Variants in EYS observed in about 807,000 individuals in gnomAD.
EYS encodes EGF-like photoreceptor maintenance factor.
In EYS, 250 loss-of-function variants were observed where a neutral mutation model predicts 282.1. That is an observed-to-expected ratio of 0.89 (90% CI 0.80 to 0.98). EYS has a LOEUF of 0.98. Among genes scored for constraint, EYS ranks in the 50% least tolerant of loss-of-function variants. EYS has a pLI of 0.00. For missense variants in EYS, 4,016 were observed against 3,709.0 expected (o/e 1.08, Z -2.15); for synonymous variants, 1,355 against 1,282.9 (o/e 1.06, Z -1.20).
intron 30 of EYS, among the ~76,000 whole-genome samples, chr6:64,303,870 G>GGGGGA (rs1769332630): frequency 1.4e-5 from 2 of 144,750 alleles, no homozygotes; most frequent in African/African-American, 5.2e-5. Flanking sequence ...AAGCCTCAGG[G>GGGGGA]TAGGGTTACG....
chr6:65,530,227 G>C (rs1192393902), intron 2 of EYS, among the ~76,000 whole-genome samples: 1 of 152,054 alleles, frequency 6.6e-6, no homozygotes, highest in Admixed American at 6.6e-5. Context: ...TATTTTGCTT[G>C]GTAGCCTACT....
At position 63,726,624 on chromosome 6, in the gene EYS, C is replaced by T. The variant is rs750011709; in HGVS notation, c.8128G>A (p.Ala2710Thr). ...GTCTTTTTTCGAACATGAAAGGAAG[C>T]AAAAGACATCCAGGATAACTCATTG... Reference protein sequence around the residue: ...RSNELSWMSFASFHVRKKTHI... With the variant: ...RSNELSWMSFTSFHVRKKTHI... Residue 2710 changes from alanine to threonine, a missense_variant, in exon 42 of 43, where the codon GCT (alanine) becomes ACT (threonine). Coordinates refer to ENST00000503581, the MANE Select transcript of EYS (RefSeq NM_001142800.2). 3 of 1,551,078 alleles carry T rather than the reference C, an allele frequency of 1.9e-6. No homozygotes were observed. In the South Asian group the frequency reaches 3.6e-5, roughly 18 times the overall value.
chr6:65,147,844 G>A (rs962303983), intron 12 of EYS, among the ~76,000 whole-genome samples: 4 of 152,034 alleles, frequency 2.6e-5, no homozygotes, highest in African/African-American at 9.7e-5. Flanking sequence ...CATGGTGGAA[G>A]GGGAAACAAA....
chr6:64,251,355 T>C (rs1767210232), intron 30 of EYS, among the ~76,000 whole-genome samples: 1 of 152,144 alleles, frequency 6.6e-6, no homozygotes, highest in Non-Finnish European at 1.5e-5. Flanking sequence ...TGAGAATATG[T>C]GGACCTCAGA....
intron 6 of EYS, among the ~76,000 whole-genome samples, chr6:65,404,660 T>C (rs1457826083): frequency 6.6e-6 from 1 of 151,920 alleles, no homozygotes; most frequent in East Asian, 1.9e-4. Flanking sequence ...CTAATTCTTC[T>C]CAGCAAAAGT....
chr6:65,030,780 A>G (rs1264054547), intron 13 of EYS, among the ~76,000 whole-genome samples: 1 of 152,180 alleles, frequency 6.6e-6, no homozygotes, highest in Non-Finnish European at 1.5e-5. Context: ...CAACAAAATG[A>G]CAGGATCAAA....
At chr6:65,107,626 C>T (rs1775080943) in intron 12 of EYS, among the ~76,000 whole-genome samples, 1 of 151,446 alleles carries the variant, frequency 6.6e-6, no homozygotes, top group African/African-American at 2.4e-5. Context: ...TACAGAACAA[C>T]TACAAAACTA....
intron 3 of EYS, 99 bp from the exon 4 acceptor site, chr6:65,495,706 C>A (rs1339731929): frequency 6.9e-6 from 3 of 432,788 alleles, no homozygotes; most frequent in Non-Finnish European, 1.2e-5. Context: ...AGAGCCTACA[C>A]TGCAAAGATA....
chr6:64,515,461 A>C (rs1161841138), intron 26 of EYS, among the ~76,000 whole-genome samples: 1 of 151,112 alleles, frequency 6.6e-6, no homozygotes, highest in Non-Finnish European at 1.5e-5. Flanking sequence ...CCTGTCATTA[A>C]ATGTTAGTAC....
intron 31 of EYS, among the ~76,000 whole-genome samples, chr6:64,133,970 A>C (rs534056387): frequency 6.6e-6 from 1 of 152,218 alleles, no homozygotes; most frequent in South Asian, 2.1e-4. Flanking sequence ...CTTTGAGCTA[A>C]AGCTTGAGCC....
chr6:64,129,384 A>G (rs184614542), intron 31 of EYS, among the ~76,000 whole-genome samples: 41 of 152,220 alleles, frequency 2.7e-4, no homozygotes, highest in Admixed American at 9.8e-4. Flanking sequence ...GTGATGATGA[A>G]CATTTTTTCA....
intron 12 of EYS, among the ~76,000 whole-genome samples, chr6:65,202,773 C>G (rs1360440549): frequency 5.3e-5 from 8 of 152,076 alleles, no homozygotes; most frequent in Non-Finnish European, 1.5e-5. Flanking sequence ...TTGGGTCAGA[C>G]TAACTTGTAG....
intron 13 of EYS, among the ~76,000 whole-genome samples, chr6:65,012,129 T>C (rs1292313536): frequency 6.6e-6 from 1 of 152,184 alleles, no homozygotes; most frequent in Non-Finnish European, 1.5e-5. Context: ...CTAATCTTAA[T>C]AGAAATACTT....
intron 5 of EYS, among the ~76,000 whole-genome samples, chr6:65,476,084 A>AG (rs1205559356): frequency 1.3e-5 from 2 of 152,120 alleles, no homozygotes; most frequent in African/African-American, 4.8e-5. Context: ...TTTAAAAAAA[A>AG]GTAACTTGCC....
At chr6:65,618,380 G>A (rs984683143) in intron 2 of EYS, among the ~76,000 whole-genome samples, 20 of 152,294 alleles carry the variant, frequency 1.3e-4, no homozygotes, top group East Asian at 7.7e-4. Flanking sequence ...CATGTCCTTC[G>A]CCCACTTTTC....
chr6:64,350,360 G>A (rs1298696144), intron 29 of EYS, among the ~76,000 whole-genome samples: 5 of 151,498 alleles, frequency 3.3e-5, no homozygotes, highest in Non-Finnish European at 7.4e-5. Context: ...ACCTAATTCC[G>A]AATGTTAAAA....
At chr6:65,565,756 C>CACTATGCAGCCATAAAAAAGG (rs377660493) in intron 2 of EYS, among the ~76,000 whole-genome samples, 16 of 151,996 alleles carry the variant, frequency 1.1e-4, no homozygotes, top group African/African-American at 3.9e-4. Flanking sequence ...CAACATGGAA[C>CACTATGCAGCCATAAAAAAGG]ACTATGCAGC....
intron 13 of EYS, among the ~76,000 whole-genome samples, chr6:65,005,683 C>CCCGA (rs2150129918): frequency 6.8e-6 from 1 of 147,546 alleles, no homozygotes; most frequent in Non-Finnish European, 1.5e-5. Context: ...TCTAACAACC[C>CCCGA]CCGACCCTTC....
chr6:63,763,870 T>TTTTATATATA (rs1185179091), intron 40 of EYS, among the ~76,000 whole-genome samples: 4 of 129,664 alleles, frequency 3.1e-5, no homozygotes, highest in South Asian at 2.5e-4. Flanking sequence ...TTATATCTTG[T>TTTTATATATA]TATATATATA....
Sources: allele counts gnomAD v4.1 joint callset (sites outside exome capture counted in the v4.1 genomes callset), GRCh38; gene constraint gnomAD v4.1.1; transcripts MANE v1.5; gene names NCBI Gene and HGNC (gene_info 2026-07-23, HGNC 2026-07-21).